INSL3: variants seen among roughly 807,000 people sequenced by gnomAD.
INSL3 encodes insulin-like 3.
In INSL3, 6 loss-of-function variants were observed where a neutral mutation model predicts 5.5. That is an observed-to-expected ratio of 1.08 (90% CI 0.59 to 2.14). The LOEUF (loss-of-function observed/expected upper bound fraction) is 2.14, where lower values mean the gene tolerates loss of function less well. Among genes scored for constraint, INSL3 ranks in the 30% most tolerant of loss-of-function variants. The pLI, the probability that INSL3 is intolerant of heterozygous loss-of-function variation, is 0.00. For synonymous variants in INSL3, 86 were observed against 82.1 expected, an observed-to-expected ratio of 1.05 and a Z score of -0.26; for missense variants, 178 against 184.7, an observed-to-expected ratio of 0.96 and a Z score of 0.21.
At chr19:17,818,228 T>C (rs1276840782) in intron 1 of INSL3, among the ~76,000 whole-genome samples, 3 of 152,088 alleles carry the variant, frequency 2.0e-5, no homozygotes, top group East Asian at 1.9e-4. Flanking sequence ...CAGAGACATG[T>C]GGACACGTGT....
In INSL3 at chr19:17,821,392, C is replaced by G. The variant is rs200067291; in HGVS notation, c.115G>C (p.Val39Leu). The G allele has an allele frequency of 7.7e-5, 119 of 1,548,338 alleles. No individual in the cohort carries two copies. The African/African-American group carries it at 1.4e-3, about 18-fold the overall frequency. The stretch of plus-strand genomic sequence containing the variant: ...CCGCACACGCGCACTAGCGCGCGTA[C>G]GAAGTGGTGGCCGCACAACTTCTCA... ...MREKLCGHHF[V>L]RALVRVCGGP... The change falls in exon 1 of 2, where the codon GTA (valine) becomes CTA (leucine). Residue 39 changes from valine (V) to leucine (L), a missense_variant. Coordinates refer to ENST00000317306, the MANE Select transcript of INSL3 (RefSeq NM_005543.4).
At chr19:17,820,016 CAGG>C (rs1157590711) in intron 1 of INSL3, among the ~76,000 whole-genome samples, 2 of 151,746 alleles carry the variant, frequency 1.3e-5, no homozygotes, top group Non-Finnish European at 2.9e-5. Context: ...AAGGCTGAGG[CAGG>C]AGAATTGCTT....
chr19:17,821,486 G>A lies in INSL3; in HGVS notation c.21C>T (p.Ala7=), dbSNP rs1022926282. MDPRLP[A]WALVLLGPAL... Reference sequence around the variant, plus strand: ...CAGGGCCCAGCAGCACCAGCGCCCAGGCGGGCAGACGGGGGTCCATGGTGG... The same window carrying A: ...CAGGGCCCAGCAGCACCAGCGCCCAAGCGGGCAGACGGGGGTCCATGGTGG... The change falls in exon 1 of 2, where the codon GCC becomes GCT. Residue 7 remains alanine, a synonymous_variant. Coordinates refer to ENST00000317306, the MANE Select transcript of INSL3 (RefSeq NM_005543.4). 5.3e-6 allele frequency: 8 copies of A among 1,503,448 alleles called. No homozygotes were observed. The highest frequency in any genetic ancestry group is 4.2e-5 in the African/African-American group (3 of 70,856). The allele number at this position is 1,503,448 out of a possible 1,614,324, so 93.1% of individuals were successfully genotyped here. A position where few individuals can be genotyped will look rare whatever the true frequency, so the allele number is the denominator to read the frequency against.
chr19:17,817,434 G>A (rs530686224), intron 1 of INSL3, among the ~76,000 whole-genome samples: 9 of 144,274 alleles, frequency 6.2e-5, no homozygotes, highest in South Asian at 2.2e-4. Context: ...GCAGTGAGCC[G>A]AGATCACGCC....
At position 17,820,815 on chromosome 19, in the gene INSL3, CTT is replaced by C. The variant is rs11339511; in HGVS notation, c.190+500_190+501del. Among the ~76,000 whole-genome samples the C allele has an allele frequency of 5.4e-3, 694 of 127,826 alleles. 3 individuals are homozygous for C. The highest frequency in any genetic ancestry group is 0.016 in the African/African-American group (532 of 33,304). The allele number at this position is 127,826 out of a possible 152,430, so 83.9% of individuals were successfully genotyped here. ...GGGGGACTCATGCTCTGAGGACTTT[CTT>C]TTTTTTTTTTTTTTGAGACGGAGTT... On this transcript the variant is annotated intron_variant, in intron 1 of 1. Transcript: ENST00000317306.
rs548834907 is a variant in INSL3, at chr19:17,818,340, G to T, written c.191-1281C>A. On this transcript the variant is annotated intron_variant, in intron 1 of 1. Transcript: ENST00000317306. ...CATCAGGATATTTTTTTGAGGCCAG[G>T]CACCGTGGCTCACACCTGTCATCCC... Among the ~76,000 whole-genome samples, 5 of 152,302 alleles carry T rather than the reference G, an allele frequency of 3.3e-5. No homozygotes were observed. The East Asian group carries it at 5.8e-4, about 18-fold the overall frequency.
intron 1 of INSL3, among the ~76,000 whole-genome samples, chr19:17,819,243 A>G (rs2094192105): frequency 6.8e-6 from 1 of 148,010 alleles, no homozygotes; most frequent in African/African-American, 2.5e-5. Flanking sequence ...CAAAATATAT[A>G]TATATAATAA....
In INSL3 at chr19:17,816,623, A is replaced by G. The variant is rs2094188104; in HGVS notation, c.*231T>C. On this transcript the variant is annotated 3_prime_UTR_variant, in exon 2 of 2. Coordinates refer to ENST00000317306, the MANE Select transcript of INSL3 (RefSeq NM_005543.4). ...TGAGGACATTTGGCTGTCAGTGTCCAGCATCTGTGAAAGCGGGGATCCTCC... is the reference window on the plus strand; with the variant it reads ...TGAGGACATTTGGCTGTCAGTGTCCGGCATCTGTGAAAGCGGGGATCCTCC... 1 of 588,290 alleles carries G rather than the reference A, an allele frequency of 1.7e-6. No individual in the cohort carries two copies. Among genetic ancestry groups the G allele is most frequent in the African/African-American group, 1.9e-5 (1 of 53,828 alleles). 36.4% of individuals were successfully genotyped at this position (588,290 alleles called of 1,614,324 possible). A position where few individuals can be genotyped will look rare whatever the true frequency, so the allele number is the denominator to read the frequency against.
intron 1 of INSL3, among the ~76,000 whole-genome samples, chr19:17,818,882 C>CTT (rs778998577): frequency 1.4e-5 from 2 of 144,590 alleles, no homozygotes; most frequent in African/African-American, 5.0e-5. Flanking sequence ...TCAGCATCAG[C>CTT]TTTTTTTTTT....
chr19:17,821,409 A>G lies in INSL3; in HGVS notation c.98T>C (p.Leu33Ser). Residue 33 changes from leucine (L) to serine (S), a missense_variant, in exon 1 of 2, where the codon TTG becomes TCG. Coordinates refer to ENST00000317306, the MANE Select transcript of INSL3 (RefSeq NM_005543.4). ...CGCGCGTACGAAGTGGTGGCCGCAC[A>G]ACTTCTCACGCATCTCTGGGGTGGG... ...PAPTPEMREK[L>S]CGHHFVRALV... The G allele has an allele frequency of 6.5e-7, 1 of 1,548,018 alleles. No homozygotes were observed. The highest frequency in any genetic ancestry group is 8.7e-7 in the Non-Finnish European group (1 of 1,145,510).
Position 17,817,019 on chromosome 19 carries a change from A to G in INSL3, c.231T>C (p.His77=), listed in dbSNP as rs771929517. Residue 77 remains histidine, a synonymous_variant, in exon 2 of 2, where the codon CAT becomes CAC. Coordinates refer to ENST00000317306, the MANE Select transcript of INSL3 (RefSeq NM_005543.4). The part of the protein sequence containing the change: ...LQWLERRHLL[H]GLVADSNLTL... Reference sequence around the variant, plus strand: ...TGAGATTACTGTCGGCCACCAGCCCATGGAGCAGATGTCGTCTCTCCAGCC... The same window carrying G: ...TGAGATTACTGTCGGCCACCAGCCCGTGGAGCAGATGTCGTCTCTCCAGCC... 5.0e-6 allele frequency: 8 copies of G among 1,613,672 alleles called. No homozygotes were observed. Among genetic ancestry groups the G allele is most frequent in the East Asian group, 2.2e-5 (1 of 44,882 alleles).
At chr19:17,818,032 G>T (rs1471163408) in intron 1 of INSL3, among the ~76,000 whole-genome samples, 1 of 151,930 alleles carries the variant, frequency 6.6e-6, no homozygotes, top group Non-Finnish European at 1.5e-5. Context: ...CCCAGAGCAG[G>T]TCAGAGACCC....
intron 1 of INSL3, among the ~76,000 whole-genome samples, chr19:17,819,032 G>A (rs558556492): frequency 1.3e-5 from 2 of 151,028 alleles, no homozygotes; most frequent in African/African-American, 2.4e-5. Flanking sequence ...GCGCCACAAC[G>A]CCCGGCTAAT....
chr19:17,821,124 G>A (rs949139023), intron 1 of INSL3, among the ~76,000 whole-genome samples, 193 bp downstream of exon 1: 1 of 152,224 alleles, frequency 6.6e-6, no homozygotes, highest in East Asian at 1.9e-4. Flanking sequence ...CCTGGCTAAC[G>A]GCTCTGGGGA....
rs1434200213 is a variant in INSL3, at chr19:17,821,310, C to T, written c.190+7G>A. On this transcript the variant is annotated splice_region_variant and intron_variant, in intron 1 of 1. Coordinates refer to ENST00000317306, the MANE Select transcript of INSL3 (RefSeq NM_005543.4). Reference sequence around the variant, plus strand: ...CCAGAGCGCTGTCCCTGCCCGTCCCCACTCACGGTCGCCTCCGGTCGCAGG... The same window carrying T: ...CCAGAGCGCTGTCCCTGCCCGTCCCTACTCACGGTCGCCTCCGGTCGCAGG... 6.5e-7 allele frequency: 1 copy of T among 1,545,866 alleles called. No individual in the cohort carries two copies. The highest frequency in any genetic ancestry group is 8.7e-7 in the Non-Finnish European group (1 of 1,146,612).
intron 1 of INSL3, among the ~76,000 whole-genome samples, chr19:17,819,948 AT>A (rs2094193121): frequency 6.9e-6 from 1 of 145,642 alleles, no homozygotes; most frequent in African/African-American, 2.5e-5. Context: ...AAAAAAAAAA[AT>A]CAGCTGTGCA....
chr19:17,821,110 C>G (rs927980606), intron 1 of INSL3, among the ~76,000 whole-genome samples: 2 of 152,144 alleles, frequency 1.3e-5, no homozygotes, highest in Non-Finnish European at 2.9e-5. Context: ...CGTGAGCCAC[C>G]ACGCCTGGCT....
Position 17,819,933 on chromosome 19 carries a change from C to CAA in INSL3, c.190+1382_190+1383dup, listed in dbSNP as rs34708745. On this transcript the variant is annotated intron_variant, in intron 1 of 1. Transcript: ENST00000317306. ...TGTTCACCTGTCTCTACTAAAAATA[C>CAA]AAAAAAAAAAAAAAATCAGCTGTGC... Among the ~76,000 whole-genome samples the CAA allele has an allele frequency of 1.1e-4, 15 of 140,380 alleles. No homozygotes were observed. In the South Asian group the frequency reaches 1.6e-3, roughly 15 times the overall value. The allele number at this position is 140,380 out of a possible 152,430, so 92.1% of individuals were successfully genotyped here. A position where few individuals can be genotyped will look rare whatever the true frequency, so the allele number is the denominator to read the frequency against.
chr19:17,817,503 G>T, intron 1 of INSL3, among the ~76,000 whole-genome samples: 1 of 121,982 alleles, frequency 8.2e-6, no homozygotes, highest in East Asian at 2.3e-4. Context: ...AAAAAAAAAA[G>T]TGAGCACTGG....
Sources: allele counts gnomAD v4.1 joint callset (sites outside exome capture counted in the v4.1 genomes callset), GRCh38; gene constraint gnomAD v4.1.1; transcripts MANE v1.5; gene names NCBI Gene and HGNC (gene_info 2026-07-23, HGNC 2026-07-21).